Variants in PLCB1 observed in about 807,000 individuals in gnomAD.
PLCB1 encodes 1-phosphatidylinositol 4,5-bisphosphate phosphodiesterase beta-1.
In PLCB1, 46 loss-of-function variants were observed where a neutral mutation model predicts 161.8. The observed-to-expected ratio is 0.28, with a 90% CI of 0.22 to 0.36. The LOEUF is 0.36. Among genes scored for constraint, PLCB1 ranks in the 10% least tolerant of loss-of-function variants. PLCB1 has a pLI of 1.00. For missense variants in PLCB1, 1,016 were observed against 1,472.5 expected (o/e 0.69, Z 5.07); for synonymous variants, 517 against 503.7 (o/e 1.03, Z -0.35).
chr20:8,186,642 G>A (rs2123100918), intron 2 of PLCB1, among the ~76,000 whole-genome samples: 1 of 152,262 alleles, frequency 6.6e-6, no homozygotes, highest in Middle Eastern at 3.4e-3. Flanking sequence ...CTATTTGCCT[G>A]TGATAAGTCC....
chr20:8,215,348 C>A (rs992046720), intron 2 of PLCB1, among the ~76,000 whole-genome samples: 13 of 151,968 alleles, frequency 8.6e-5, no homozygotes, highest in African/African-American at 3.1e-4. Flanking sequence ...CAAACAGATT[C>A]TTGGAAGGCT....
At chr20:8,757,243 G>A (rs781196964) in intron 24 of PLCB1, 65 bp downstream of exon 24, 229 of 1,501,954 alleles carry the variant, frequency 1.5e-4, no homozygotes, top group Non-Finnish European at 1.9e-4. Flanking sequence ...TGCCACTGAC[G>A]GAGGCGCTGT....
chr20:8,183,329 T>C (rs569012002), intron 2 of PLCB1, among the ~76,000 whole-genome samples: 3 of 152,226 alleles, frequency 2.0e-5, no homozygotes, highest in Non-Finnish European at 4.4e-5. Context: ...ACAAAATTGC[T>C]AAAGTGAAGT....
chr20:8,726,675 AC>A lies in PLCB1; in HGVS notation c.1679-627del, dbSNP rs201615448. ...ATAATTCAATTACCCCCACTTGGTA[AC>A]CCCCCCTTGACACTGTGGGTATTAC... On this transcript the variant is annotated intron_variant, in intron 16 of 31. Coordinates refer to ENST00000338037, the MANE Select transcript of PLCB1 (RefSeq NM_015192.4). Among the ~76,000 whole-genome samples, 478 of 151,188 alleles carry A rather than the reference AC, an allele frequency of 3.2e-3. 3 individuals are homozygous for A. The highest frequency in any genetic ancestry group is 9.8e-3 in the African/African-American group (405 of 41,172).
At chr20:8,604,110 A>G (rs887955675) in intron 3 of PLCB1, among the ~76,000 whole-genome samples, 7 of 152,070 alleles carry the variant, frequency 4.6e-5, no homozygotes, top group East Asian at 1.9e-4. Flanking sequence ...AAAATTAGCT[A>G]GGTATGGTGG....
chr20:8,608,344 A>C (rs1194848117), intron 3 of PLCB1, among the ~76,000 whole-genome samples: 1 of 152,136 alleles, frequency 6.6e-6, no homozygotes, highest in African/African-American at 2.4e-5. Flanking sequence ...TTCTGTAAAG[A>C]TTTGGGGCTC....
At chr20:8,213,546 G>A (rs549539604) in intron 2 of PLCB1, among the ~76,000 whole-genome samples, 2 of 152,178 alleles carry the variant, frequency 1.3e-5, no homozygotes, top group South Asian at 2.1e-4. Context: ...AGAACACAAG[G>A]TGAAGTTTGG....
chr20:8,325,350 G>T (rs796528701), intron 2 of PLCB1, among the ~76,000 whole-genome samples: 2 of 152,114 alleles, frequency 1.3e-5, no homozygotes, highest in South Asian at 4.1e-4. Flanking sequence ...GTTGAGGTGT[G>T]ATCATCCCAG....
At chr20:8,261,633 G>T (rs1465984833) in intron 2 of PLCB1, among the ~76,000 whole-genome samples, 2 of 152,076 alleles carry the variant, frequency 1.3e-5, no homozygotes, top group Admixed American at 6.6e-5. Context: ...TTATCTAGGA[G>T]CCCAAGAATA....
At chr20:8,135,480 C>T (rs1398087677) in intron 1 of PLCB1, among the ~76,000 whole-genome samples, 1 of 152,016 alleles carries the variant, frequency 6.6e-6, no homozygotes, top group Non-Finnish European at 1.5e-5. Flanking sequence ...GGGTGGTAGT[C>T]GAAAGCTTTA....
intron 31 of PLCB1, among the ~76,000 whole-genome samples, chr20:8,845,070 C>A (rs778113920): frequency 1.3e-5 from 2 of 151,724 alleles, no homozygotes; most frequent in African/African-American, 2.4e-5. Context: ...GCCGAGATCA[C>A]GCCACTGCAC....
chr20:8,872,804 GT>G (rs1987651192), intron 31 of PLCB1, among the ~76,000 whole-genome samples: 1 of 152,038 alleles, frequency 6.6e-6, no homozygotes, highest in Non-Finnish European at 1.5e-5. Flanking sequence ...CATTTGAAGG[GT>G]GGGCACCCCT....
intron 26 of PLCB1, 64 bp downstream of exon 26, chr20:8,765,422 A>C (rs1318170678): frequency 4.2e-6 from 5 of 1,203,918 alleles, no homozygotes; most frequent in Non-Finnish European, 6.0e-6. Flanking sequence ...TGGATTTTTA[A>C]TGTTTTATAT....
chr20:8,786,602 G>T (rs1021436305), intron 27 of PLCB1, among the ~76,000 whole-genome samples: 1 of 152,108 alleles, frequency 6.6e-6, no homozygotes, highest in East Asian at 1.9e-4. Flanking sequence ...AGCCAGATGT[G>T]TCAGCGTGTT....
At chr20:8,699,337 G>C (rs1990649987) in intron 11 of PLCB1, among the ~76,000 whole-genome samples, 1 of 152,168 alleles carries the variant, frequency 6.6e-6, no homozygotes, top group African/African-American at 2.4e-5. Flanking sequence ...AAGAATATGG[G>C]ATGAATTCAA....
At chr20:8,469,984 T>C (rs970462908) in intron 3 of PLCB1, among the ~76,000 whole-genome samples, 3 of 152,180 alleles carry the variant, frequency 2.0e-5, no homozygotes, top group African/African-American at 7.2e-5. Context: ...TCTGTCTCCA[T>C]GGATTTGTCT....
At chr20:8,813,726 G>T (rs1984944527) in intron 31 of PLCB1, among the ~76,000 whole-genome samples, 1 of 152,190 alleles carries the variant, frequency 6.6e-6, no homozygotes, top group African/African-American at 2.4e-5. Flanking sequence ...AGCTACTGAG[G>T]AGGCTGAGGC....
At chr20:8,819,211 C>T (rs554900331) in intron 31 of PLCB1, among the ~76,000 whole-genome samples, 1 of 152,198 alleles carries the variant, frequency 6.6e-6, no homozygotes, top group Non-Finnish European at 1.5e-5. Context: ...TGAATAAGCG[C>T]ACACTGATGT....
intron 3 of PLCB1, among the ~76,000 whole-genome samples, chr20:8,612,751 A>C (rs1987938436): frequency 6.6e-6 from 1 of 152,208 alleles, no homozygotes. Context: ...TGGAACTACC[A>C]ACCTAATTAA....
Sources: gnomAD v4.1 joint callset for allele counts (sites outside exome capture counted in the v4.1 genomes callset) on GRCh38, gnomAD v4.1.1 for gene constraint, MANE v1.5 for transcripts, NCBI Gene and HGNC (gene_info 2026-07-23, HGNC 2026-07-21) for gene names.